Variants in RAB11FIP4 observed in about 807,000 individuals in gnomAD.
RAB11FIP4 encodes RAB11 family interacting protein 4.
A neutral mutation model predicts 74.3 loss-of-function variants in RAB11FIP4; 23 were observed. The ratio of observed to expected loss-of-function variants is 0.31; its 90% CI spans 0.22 to 0.44. RAB11FIP4 has a LOEUF of 0.44. RAB11FIP4 is among the 20% of genes least tolerant of loss of function. The pLI is 1.00. For missense variants in RAB11FIP4, 630 were observed against 863.9 expected (o/e 0.73, Z 3.39); for synonymous variants, 360 against 359.9 (o/e 1.00, Z 0.00).
At chr17:31,472,130 C>G (rs2071743193) in intron 3 of RAB11FIP4, among the ~76,000 whole-genome samples, 1 of 150,378 alleles carries the variant, frequency 6.6e-6, no homozygotes, top group African/African-American at 2.4e-5. Context: ...CCATTGCACT[C>G]CAGCCTGGGC....
intron 3 of RAB11FIP4, among the ~76,000 whole-genome samples, chr17:31,498,528 C>T (rs1340743008): frequency 3.3e-5 from 5 of 152,186 alleles, no homozygotes; most frequent in Admixed American, 3.3e-4. Context: ...ACCCTGCTGA[C>T]CCTGACCTGC....
intron 9 of RAB11FIP4, 68 bp from the exon 10 acceptor site, chr17:31,525,022 C>T (rs935507920): frequency 1.2e-5 from 18 of 1,543,052 alleles, no homozygotes; most frequent in Admixed American, 2.0e-5. Flanking sequence ...CAGGGTCCCC[C>T]GTGCCACAGC....
At chr17:31,493,619 C>T (rs1342225053) in intron 3 of RAB11FIP4, among the ~76,000 whole-genome samples, 1 of 152,198 alleles carries the variant, frequency 6.6e-6, no homozygotes, top group Non-Finnish European at 1.5e-5. Flanking sequence ...ACACAGACAC[C>T]TGCATCCCAC....
chr17:31,461,103 T>C (rs2525581), intron 3 of RAB11FIP4, among the ~76,000 whole-genome samples: 123,663 of 145,514 alleles, frequency 0.85, 52,683 homozygotes, highest in African/African-American at 0.95. Flanking sequence ...CTCATAGCCC[T>C]TGCTGCCAAC....
chr17:31,426,158 G>T (rs183217873), intron 1 of RAB11FIP4, among the ~76,000 whole-genome samples: 1 of 152,174 alleles, frequency 6.6e-6, no homozygotes, highest in African/African-American at 2.4e-5. Context: ...ACACTTTAGT[G>T]CAGACAGCCC....
intron 1 of RAB11FIP4, among the ~76,000 whole-genome samples, chr17:31,422,904 AT>A (rs1173019109): frequency 6.8e-6 from 1 of 146,270 alleles, no homozygotes; most frequent in African/African-American, 2.5e-5. Context: ...ATTGGTATCT[AT>A]CTATTGATTG....
At chr17:31,398,878 TG>T (rs2070957284) in intron 1 of RAB11FIP4, among the ~76,000 whole-genome samples, 1 of 152,146 alleles carries the variant, frequency 6.6e-6, no homozygotes, top group Non-Finnish European at 1.5e-5. Flanking sequence ...ACGGGGGCGA[TG>T]GCTACAAAGC....
In RAB11FIP4 at chr17:31,434,122, G is replaced by C. The variant is rs2071336490; in HGVS notation, c.336G>C (p.Gln112His). ...CAGAGATCCCAGACTGCGTGGAGCA[G>C]GTAAGGCTTGGGGGGCCTCAAGGAC... Reference protein sequence around the residue: ...CAPEIPDCVEQGSEVTGPTFA... With the variant: ...CAPEIPDCVEHGSEVTGPTFA... Residue 112 changes from glutamine to histidine, a missense_variant and splice_region_variant, in exon 3 of 15, where the codon CAG becomes CAC. Physicochemically the swap from Gln to His is conservative, Grantham distance 24. Coordinates refer to ENST00000621161, the MANE Select transcript of RAB11FIP4 (RefSeq NM_032932.6). 6.4e-7 allele frequency: 1 copy of C among 1,574,334 alleles called. No individual in the cohort carries two copies. Among genetic ancestry groups the C allele is most frequent in the Admixed American group, 1.9e-5 (1 of 53,666 alleles).
rs2072673037 is a variant in RAB11FIP4, at chr17:31,521,910, A to G, written c.759-5A>G. On this transcript the variant is annotated splice_polypyrimidine_tract_variant and splice_region_variant and intron_variant, in intron 5 of 14. Coordinates refer to ENST00000621161, the MANE Select transcript of RAB11FIP4 (RefSeq NM_032932.6). ...AGGTGGTGATTCCTTTCCCTCATGA[A>G]TCAGTGCGGGGCAGACGCCTAGGAA... The G allele has an allele frequency of 1.9e-6, 3 of 1,614,110 alleles. No individual in the cohort carries two copies. The highest frequency in any genetic ancestry group is 2.5e-6 in the Non-Finnish European group (3 of 1,180,006).
chr17:31,489,366 G>A (rs1398235223), intron 3 of RAB11FIP4, among the ~76,000 whole-genome samples: 2 of 152,084 alleles, frequency 1.3e-5, no homozygotes, highest in Non-Finnish European at 2.9e-5. Flanking sequence ...GACTCAAAGG[G>A]GTCGGAGGCA....
chr17:31,398,536 A>G (rs2070953391), intron 1 of RAB11FIP4, among the ~76,000 whole-genome samples: 1 of 152,206 alleles, frequency 6.6e-6, no homozygotes, highest in Non-Finnish European at 1.5e-5. Context: ...AGTAGGGGGA[A>G]GAATCAGCCC....
intron 3 of RAB11FIP4, among the ~76,000 whole-genome samples, chr17:31,492,927 C>T (rs1169850230): frequency 1.3e-5 from 2 of 152,094 alleles, no homozygotes; most frequent in African/African-American, 2.4e-5. Flanking sequence ...GTTACTTCTT[C>T]ACTTTTTCGC....
Position 31,458,200 on chromosome 17 carries a change from A to G in RAB11FIP4, c.336+24078A>G, listed in dbSNP as rs192030791. On this transcript the variant is annotated intron_variant, in intron 3 of 14. Coordinates refer to ENST00000621161, the MANE Select transcript of RAB11FIP4 (RefSeq NM_032932.6). ...TCCAGTTGCCTCAGAATGCGGGCTG[A>G]GTCCACCTTTCCTGAGGCTCCTCAG... Among the ~76,000 whole-genome samples, 723 of 152,260 alleles carry G rather than the reference A, an allele frequency of 4.7e-3. 5 individuals carry two copies. The highest frequency in any genetic ancestry group is 0.01 in the Middle Eastern group (3 of 294).
intron 3 of RAB11FIP4, among the ~76,000 whole-genome samples, chr17:31,505,007 T>G (rs1237852194): frequency 4.6e-5 from 7 of 152,192 alleles, no homozygotes; most frequent in African/African-American, 9.7e-5. Flanking sequence ...TTGGTAGAAG[T>G]TAGATCCTAA....
intron 3 of RAB11FIP4, among the ~76,000 whole-genome samples, chr17:31,436,764 G>GA (rs2071361551): frequency 6.8e-6 from 1 of 147,256 alleles, no homozygotes; most frequent in Non-Finnish European, 1.5e-5. Flanking sequence ...TTTTTTTTTT[G>GA]TTTTTTTTTG....
intron 3 of RAB11FIP4, among the ~76,000 whole-genome samples, chr17:31,446,486 C>T (rs149421036): frequency 3.1e-3 from 470 of 152,200 alleles, no homozygotes; most frequent in African/African-American, 0.011. Flanking sequence ...CGATGGGTAA[C>T]GTCTGTGCGA....
At chr17:31,434,216 A>AT in intron 3 of RAB11FIP4, 94 bp downstream of exon 3, 2 of 1,024,208 alleles carry the variant, frequency 2.0e-6, no homozygotes, top group Non-Finnish European at 2.9e-6. Flanking sequence ...GAGGACCCAG[A>AT]ACCTCCCTCT....
intron 3 of RAB11FIP4, among the ~76,000 whole-genome samples, chr17:31,447,903 C>A (rs989214547): frequency 3.3e-5 from 5 of 152,068 alleles, no homozygotes. Flanking sequence ...TCACTGCAAC[C>A]TCCACCTCCC....
chr17:31,436,076 T>C (rs2071354163), intron 3 of RAB11FIP4, among the ~76,000 whole-genome samples: 1 of 152,038 alleles, frequency 6.6e-6, no homozygotes, highest in Admixed American at 6.6e-5. Flanking sequence ...GGGCCCTTCC[T>C]GGATTGCTGA....
Sources: gnomAD v4.1 joint callset for allele counts (sites outside exome capture counted in the v4.1 genomes callset) on GRCh38, gnomAD v4.1.1 for gene constraint, MANE v1.5 for transcripts, NCBI Gene and HGNC (gene_info 2026-07-23, HGNC 2026-07-21) for gene names.